Variants in RIMS2 observed in about 807,000 individuals in gnomAD.
RIMS2 encodes the protein regulating synaptic membrane exocytosis 2.
Under a neutral mutation model 174.4 loss-of-function variants are expected in RIMS2, and 59 were observed. That is an observed-to-expected ratio of 0.34 (90% CI 0.27 to 0.42). The LOEUF (loss-of-function observed/expected upper bound fraction) is 0.42, where lower values mean the gene tolerates loss of function less well. Ranked by LOEUF, RIMS2 falls within the 10% of genes least tolerant of loss-of-function variation. The pLI is 1.00. For synonymous variants in RIMS2, 606 were observed against 572.5 expected (o/e 1.06, Z -0.84); for missense variants, 1,620 against 1,666.3 (o/e 0.97, Z 0.48).
intron 19 of RIMS2, among the ~76,000 whole-genome samples, chr8:104,222,687 G>A (rs1200771787): frequency 2.0e-5 from 3 of 152,196 alleles, no homozygotes; most frequent in South Asian, 2.1e-4. Flanking sequence ...CTTTGCCCTA[G>A]TATGTTTGTG....
At chr8:103,874,897 A>T (rs2099128440) in intron 3 of RIMS2, among the ~76,000 whole-genome samples, 1 of 152,062 alleles carries the variant, frequency 6.6e-6, no homozygotes, top group Admixed American at 6.6e-5. Flanking sequence ...CCTCACCAGC[A>T]TCTGGTTGCA....
intron 1 of RIMS2, among the ~76,000 whole-genome samples, chr8:103,503,898 C>G (rs1821945047): frequency 6.6e-6 from 1 of 152,048 alleles, no homozygotes. Context: ...ACTGTTATCT[C>G]TCACCTTAGG....
chr8:103,958,094 C>T (rs899324676), intron 14 of RIMS2, among the ~76,000 whole-genome samples: 5 of 152,144 alleles, frequency 3.3e-5, no homozygotes, highest in Non-Finnish European at 7.3e-5. Flanking sequence ...CATAATGACA[C>T]ATGCATGTGA....
intron 19 of RIMS2, among the ~76,000 whole-genome samples, chr8:104,167,291 T>G (rs2098803748): frequency 6.6e-6 from 1 of 152,132 alleles, no homozygotes; most frequent in Non-Finnish European, 1.5e-5. Context: ...GGGTTGCATA[T>G]TTCCAGGAAT....
chr8:104,245,260 G>A (rs1031230), intron 20 of RIMS2, among the ~76,000 whole-genome samples: 45,255 of 152,136 alleles, frequency 0.3, 7,101 homozygotes, highest in African/African-American at 0.36. Context: ...AATAGGTTTG[G>A]GGATAAAGTG....
At chr8:104,059,485 T>C (rs1291343841) in intron 19 of RIMS2, among the ~76,000 whole-genome samples, 8 of 150,198 alleles carry the variant, frequency 5.3e-5, no homozygotes, top group African/African-American at 2.0e-4. Flanking sequence ...ACAATGGGGT[T>C]TTCTAGATAT....
intron 19 of RIMS2, among the ~76,000 whole-genome samples, chr8:104,136,950 T>A: frequency 6.6e-6 from 1 of 152,070 alleles, no homozygotes; most frequent in South Asian, 2.1e-4. Flanking sequence ...ATTTAAAAGT[T>A]AAAAAAAATT....
chr8:103,515,964 T>C (rs1406498909), intron 1 of RIMS2, among the ~76,000 whole-genome samples: 1 of 152,102 alleles, frequency 6.6e-6, no homozygotes, highest in Non-Finnish European at 1.5e-5. Context: ...GTAATTTTGA[T>C]TAGTGTTGTC....
At chr8:103,797,837 G>A (rs766522627) in intron 3 of RIMS2, among the ~76,000 whole-genome samples, 7 of 151,938 alleles carry the variant, frequency 4.6e-5, no homozygotes, top group East Asian at 1.9e-4. Flanking sequence ...TTTGGGCAGC[G>A]TGACCTATGT....
intron 19 of RIMS2, among the ~76,000 whole-genome samples, chr8:104,242,925 A>T (rs770356819): frequency 2.0e-5 from 3 of 152,152 alleles, no homozygotes; most frequent in Non-Finnish European, 4.4e-5. Flanking sequence ...TTATGGAACA[A>T]TTATTTGGCT....
At chr8:103,540,154 C>T (rs770901760) in intron 1 of RIMS2, among the ~76,000 whole-genome samples, 1 of 152,224 alleles carries the variant, frequency 6.6e-6, no homozygotes, top group Non-Finnish European at 1.5e-5. Context: ...CACGTTTGTG[C>T]CTCAGGCCTC....
intron 17 of RIMS2, among the ~76,000 whole-genome samples, chr8:104,009,136 T>A (rs2095677585): frequency 1.3e-5 from 2 of 152,060 alleles, no homozygotes; most frequent in South Asian, 4.1e-4. Flanking sequence ...TATATACAAA[T>A]ATGTATATAT....
intron 2 of RIMS2, among the ~76,000 whole-genome samples, chr8:103,752,911 T>C (rs1400555397): frequency 6.6e-6 from 1 of 152,126 alleles, no homozygotes; most frequent in Non-Finnish European, 1.5e-5. Flanking sequence ...CTTTTCCTAA[T>C]TGAATACCTT....
intron 19 of RIMS2, among the ~76,000 whole-genome samples, chr8:104,172,134 A>G (rs567492432): frequency 1.3e-5 from 2 of 152,222 alleles, no homozygotes; most frequent in African/African-American, 2.4e-5. Flanking sequence ...TCAGGCCAAT[A>G]GGGGAGATAT....
intron 15 of RIMS2, among the ~76,000 whole-genome samples, chr8:103,964,494 A>AT (rs758092748): frequency 7.3e-5 from 11 of 151,640 alleles, no homozygotes; most frequent in Non-Finnish European, 1.2e-4. Flanking sequence ...TCTTTGGCCC[A>AT]TTATTTTTTA....
chr8:103,531,337 C>G (rs1192766261), intron 1 of RIMS2, among the ~76,000 whole-genome samples: 9 of 151,830 alleles, frequency 5.9e-5, no homozygotes. Flanking sequence ...TGCTGGAAAT[C>G]AATAATGAAA....
chr8:104,022,275 C>G (rs997587440), intron 19 of RIMS2, among the ~76,000 whole-genome samples: 16 of 152,064 alleles, frequency 1.1e-4, no homozygotes, highest in Non-Finnish European at 2.2e-4. Context: ...TGTTTTTATC[C>G]TTGCTTTGAA....
intron 1 of RIMS2, among the ~76,000 whole-genome samples, chr8:103,596,996 A>G (rs982371937): frequency 1.3e-5 from 2 of 152,088 alleles, no homozygotes; most frequent in Non-Finnish European, 2.9e-5. Context: ...TTTCCATAGC[A>G]TTGTTGTGTA....
chr8:104,241,090 T>C (rs755231631), intron 19 of RIMS2, among the ~76,000 whole-genome samples: 21 of 152,202 alleles, frequency 1.4e-4, no homozygotes, highest in Non-Finnish European at 2.6e-4. Flanking sequence ...TCCTTCACTG[T>C]GCTCTGCTTT....
Sources: gnomAD v4.1 joint callset for allele counts (sites outside exome capture counted in the v4.1 genomes callset) on GRCh38, gnomAD v4.1.1 for gene constraint, MANE v1.5 for transcripts, NCBI Gene and HGNC (gene_info 2026-07-23, HGNC 2026-07-21) for gene names.